The following MYH3 variants were observed in gnomAD, a reference collection of about 807,000 sequenced individuals.
MYH3 encodes the protein myosin-3.
MYH3 carries 130 observed loss-of-function variants against 238.0 expected under a neutral mutation model. That is an observed-to-expected ratio of 0.55 (90% CI 0.47 to 0.63). The LOEUF (loss-of-function observed/expected upper bound fraction) is 0.63. Ranked by LOEUF, MYH3 falls within the 30% of genes least tolerant of loss-of-function variation. The probability of loss-of-function intolerance (pLI) is 0.00; values close to 1 mark genes in which losing one functional copy is unlikely to be tolerated. For synonymous variants in MYH3, 880 were observed against 924.1 expected (o/e 0.95, Z 0.86); for missense variants, 1,853 against 2,374.9 (o/e 0.78, Z 4.57).
chr17:10,668,154 G>A, the MYH3 span, among the ~76,000 whole-genome samples: 1 of 152,210 alleles, frequency 6.6e-6, no homozygotes, highest in African/African-American at 2.4e-5. Flanking sequence ...TAGCACTTTG[G>A]GAGGCCAAGG....
rs886052580 is a variant in MYH3 at position 10,635,827 on chromosome 17, T to C, written c.3883A>G (p.Lys1295Glu). The change falls in exon 29 of 41, where the codon AAA becomes GAA. Residue 1295 changes from lysine to glutamate, a missense_variant. Coordinates refer to ENST00000583535, the MANE Select transcript of MYH3 (RefSeq NM_002470.4). ...GAAAGTTGGGATACTATGCTTTCTTTTTCTTCCAGCTGACGACTCAGCTCA... is the reference window on the plus strand; with the variant it reads ...GAAAGTTGGGATACTATGCTTTCTTCTTCTTCCAGCTGACGACTCAGCTCA... ...AGELSRQLEEKESIVSQLSRS... is the reference protein window; with the variant it reads ...AGELSRQLEEEESIVSQLSRS... 24 of 1,614,056 alleles carry C rather than the reference T, an allele frequency of 1.5e-5. No individual in the cohort carries two copies. Among genetic ancestry groups the C allele is most frequent in the Non-Finnish European group, 1.9e-5 (22 of 1,180,036 alleles).
rs2074242073 is a variant in MYH3, at chr17:10,638,806, T to C, written c.3339+67A>G. 2.7e-6 allele frequency: 4 copies of C among 1,502,812 alleles called. No individual in the cohort carries two copies. The South Asian group carries it at 3.4e-5, about 13-fold the overall frequency. 93.1% of individuals were successfully genotyped at this position (1,502,812 alleles called of 1,614,324 possible). On this transcript the variant is annotated intron_variant, in intron 26 of 40. Transcript: ENST00000583535. ...TTGCCCACTTTCTCTAAATGGCTTA[T>C]AGCAGACAGCACCCAGCTCACTGTA...
the MYH3 span, among the ~76,000 whole-genome samples, chr17:10,667,695 AAAAG>A: frequency 1.3e-5 from 2 of 151,972 alleles, no homozygotes; most frequent in Non-Finnish European, 2.9e-5. Context: ...AAAAAAAAAA[AAAAG>A]AATTAGAAAG....
chr17:10,637,855 G>A lies in MYH3; in HGVS notation c.3810C>T (p.Ser1270=). The A allele has an allele frequency of 6.2e-7, 1 of 1,614,006 alleles. No individual in the cohort carries two copies. Among genetic ancestry groups the A allele is most frequent in the Non-Finnish European group, 8.5e-7 (1 of 1,179,986 alleles). Residue 1270 remains serine, a synonymous_variant, in exon 28 of 41, where the codon AGC becomes AGT. Coordinates refer to ENST00000583535, the MANE Select transcript of MYH3 (RefSeq NM_002470.4). ...ACTTCTGTGTGGTCAGCTCGCTCAGGCTCCTCTGAATTTCCTCATTCTTGC... is the reference window on the plus strand; with the variant it reads ...ACTTCTGTGTGGTCAGCTCGCTCAGACTCCTCTGAATTTCCTCATTCTTGC... ...ARGKNEEIQR[S]LSELTTQKSR...
chr17:10,655,087 C>T lies in MYH3; in HGVS notation c.-8-15G>A. ...CATGGTGTCAGCTGGAAGGCAAACC[C>T]ACCCGGTGAGCTCAGCAGCCCCCTT... On this transcript the variant is annotated splice_polypyrimidine_tract_variant and intron_variant, in intron 2 of 40. Transcript: ENST00000583535. 1 of 1,609,928 alleles carries T rather than the reference C, an allele frequency of 6.2e-7. No homozygotes were observed.
At chr17:10,647,319 C>T in intron 9 of MYH3, 39 bp from the exon 10 acceptor site, 1 of 1,613,616 alleles carries the variant, frequency 6.2e-7, no homozygotes, top group Admixed American at 1.7e-5. Context: ...AAACTGTTCC[C>T]AGTTAACTCT....
At chr17:10,676,012 T>C in the MYH3 span, 1 of 152,336 alleles carries the variant, frequency 6.6e-6, no homozygotes, top group South Asian at 2.1e-4. Context: ...ATATTTGATA[T>C]TAAGCAAAAA....
the MYH3 span, among the ~76,000 whole-genome samples, chr17:10,666,061 T>A: frequency 6.6e-6 from 1 of 151,854 alleles, no homozygotes; most frequent in Non-Finnish European, 1.5e-5. Context: ...GGAAAAAAAA[T>A]GAATCCGGAT....
upstream of MYH3, chr17:10,659,170 A>G (rs918413014): frequency 2.6e-5 from 4 of 152,232 alleles, no homozygotes; most frequent in Non-Finnish European, 5.9e-5. Flanking sequence ...GCAGTGACCA[A>G]TGTACTCATC....
At chr17:10,667,696 A>G in the MYH3 span, among the ~76,000 whole-genome samples, 4 of 151,718 alleles carry the variant, frequency 2.6e-5, no homozygotes, top group African/African-American at 9.7e-5. Context: ...AAAAAAAAAA[A>G]AAGAATTAGA....
Position 10,642,894 on chromosome 17 carries a change from C to G in MYH3, c.1513G>C (p.Glu505Gln). 6.2e-7 allele frequency: 1 copy of G among 1,614,204 alleles called. No individual in the cohort carries two copies. The highest frequency in any genetic ancestry group is 8.5e-7 in the Non-Finnish European group (1 of 1,180,040). Residue 505 changes from glutamate (E) to glutamine (Q), a missense_variant, in exon 15 of 41, where the codon GAA becomes CAA. Coordinates refer to ENST00000583535, the MANE Select transcript of MYH3 (RefSeq NM_002470.4). This position sits in a 1 kb window ranked among gnomAD's most constrained non-coding sequence, Gnocchi z 5.4. ...TCAATGAACGTCCACTCGATGCCTT[C>G]CTTCTTGTACTCCTCCTGCTCCAGC... Reference protein sequence around the residue: ...FVLEQEEYKKEGIEWTFIDFG... With the variant: ...FVLEQEEYKKQGIEWTFIDFG...
In MYH3 at chr17:10,644,590, C is replaced by T; in HGVS notation, c.1254G>A (p.Val418=). ...GNEYVTKGQT[V]DQVHHAVNAL... ...CCGGCCTTGAAGCTGTTACCTGATCCACAGTTTGACCTTTGGTAACGTACT... is the reference window on the plus strand; with the variant it reads ...CCGGCCTTGAAGCTGTTACCTGATCTACAGTTTGACCTTTGGTAACGTACT... Residue 418 remains valine, a synonymous_variant, in exon 13 of 41, where the codon GTG becomes GTA. Transcript: ENST00000583535. 2.5e-6 allele frequency: 4 copies of T among 1,613,998 alleles called. No individual in the cohort carries two copies. Among genetic ancestry groups the T allele is most frequent in the Non-Finnish European group, 3.4e-6 (4 of 1,179,852 alleles).
intron 19 of MYH3, 116 bp downstream of exon 19, chr17:10,640,969 T>C (rs886847135): frequency 5.3e-6 from 5 of 944,192 alleles, no homozygotes; most frequent in East Asian, 2.4e-5. Flanking sequence ...TCAGTTTACA[T>C]GGAGGTCCAT....
Position 10,649,701 on chromosome 17 carries a change from A to C in MYH3, c.534-16T>G. The C allele has an allele frequency of 6.2e-7, 1 of 1,610,152 alleles. No homozygotes were observed. The highest frequency in any genetic ancestry group is 1.1e-5 in the South Asian group (1 of 91,000). ...GGATTCTCCGCTGTACAGAGTGATC[A>C]AAAGAGAGAGAAAGAAACAAGTCTG... On this transcript the variant is annotated splice_polypyrimidine_tract_variant and intron_variant, in intron 6 of 40. Transcript: ENST00000583535.
upstream of MYH3, among the ~76,000 whole-genome samples, chr17:10,660,328 T>C (rs1018959388): frequency 4.6e-5 from 7 of 152,222 alleles, no homozygotes; most frequent in Non-Finnish European, 7.3e-5. Flanking sequence ...TAAATTACAC[T>C]GAATATATGT....
the MYH3 span, among the ~76,000 whole-genome samples, chr17:10,672,277 T>A: frequency 6.6e-6 from 1 of 152,362 alleles, no homozygotes; most frequent in East Asian, 1.9e-4. Flanking sequence ...ATAATATGGA[T>A]CTATTCCATA....
intron 34 of MYH3, 82 bp from the exon 35 acceptor site, chr17:10,632,098 G>T: frequency 6.9e-7 from 1 of 1,458,614 alleles, no homozygotes; most frequent in Non-Finnish European, 9.3e-7. Flanking sequence ...AGTTTTGTTT[G>T]TTTGTTTGTT....
upstream of MYH3, among the ~76,000 whole-genome samples, chr17:10,661,593 C>T (rs1449745225): frequency 2.0e-5 from 3 of 152,230 alleles, no homozygotes; most frequent in South Asian, 2.1e-4. Flanking sequence ...GAATGCAGGC[C>T]GGCTCAGCAG....
intron 6 of MYH3, 151 bp from the exon 7 acceptor site, chr17:10,649,836 C>A: frequency 1.3e-6 from 1 of 754,614 alleles, no homozygotes; most frequent in Non-Finnish European, 2.3e-6. Context: ...AGAAGGCAGA[C>A]GCCCAGGGCA....
Sources: allele counts gnomAD v4.1 joint callset (sites outside exome capture counted in the v4.1 genomes callset), GRCh38; gene constraint gnomAD v4.1.1; non-coding constraint Gnocchi (gnomAD v3.1); transcripts MANE v1.5; gene names NCBI Gene and HGNC (gene_info 2026-07-23, HGNC 2026-07-21).